The following SCMH1 variants were observed in gnomAD, a reference collection of about 807,000 sequenced individuals.
SCMH1 encodes polycomb protein SCMH1.
SCMH1 carries 37 observed loss-of-function variants against 70.8 expected under a neutral mutation model. The ratio of observed to expected loss-of-function variants is 0.52; its 90% CI spans 0.40 to 0.69. The LOEUF is 0.69. SCMH1 is among the 30% of genes least tolerant of loss of function. The pLI is 0.00. For missense variants in SCMH1, 607 were observed against 827.3 expected, an observed-to-expected ratio of 0.73 and a Z score of 3.27; for synonymous variants, 292 against 307.4, an observed-to-expected ratio of 0.95 and a Z score of 0.52.
At chr1:41,241,552 GACC>G in intron 1 of SCMH1, among the ~76,000 whole-genome samples, 1 of 152,232 alleles carries the variant, frequency 6.6e-6, no homozygotes, top group South Asian at 2.1e-4. Flanking sequence ...CCCGAACCGG[GACC>G]CGGCCAGCCA....
intron 4 of SCMH1, 60 bp downstream of exon 4, chr1:41,160,815 A>C: frequency 6.8e-7 from 1 of 1,474,102 alleles, no homozygotes; most frequent in South Asian, 1.2e-5. Flanking sequence ...ACTGGTTATA[A>C]TCTAATCCCT....
At chr1:41,088,490 T>C (rs1558768250) in intron 8 of SCMH1, among the ~76,000 whole-genome samples, 1 of 152,144 alleles carries the variant, frequency 6.6e-6, no homozygotes, top group Non-Finnish European at 1.5e-5. Context: ...TTTTTAGGGA[T>C]AGGGTCTGAC....
intron 6 of SCMH1, among the ~76,000 whole-genome samples, chr1:41,118,303 A>AT (rs1269541299): frequency 1.3e-5 from 2 of 152,340 alleles, no homozygotes; most frequent in South Asian, 2.1e-4. Flanking sequence ...TACAGAACAC[A>AT]TAACGTAATG....
At chr1:41,237,241 C>T (rs1332120154) in intron 1 of SCMH1, among the ~76,000 whole-genome samples, 2 of 152,168 alleles carry the variant, frequency 1.3e-5, no homozygotes, top group Admixed American at 6.5e-5. Context: ...ATTAGAGCTT[C>T]TTCGGTCACT....
At chr1:41,226,483 TAA>T (rs1408378593) in intron 1 of SCMH1, among the ~76,000 whole-genome samples, 1 of 152,098 alleles carries the variant, frequency 6.6e-6, no homozygotes, top group African/African-American at 2.4e-5. Flanking sequence ...AAACAATGAA[TAA>T]AGACTTTTAA....
At chr1:41,201,568 C>G (rs1302369274) in intron 1 of SCMH1, among the ~76,000 whole-genome samples, 1 of 152,166 alleles carries the variant, frequency 6.6e-6, no homozygotes, top group East Asian at 1.9e-4. Context: ...TAGTTGTCTT[C>G]CAATGAGCAA....
At chr1:41,234,655 T>C (rs1037008284) in intron 1 of SCMH1, among the ~76,000 whole-genome samples, 6 of 151,756 alleles carry the variant, frequency 4.0e-5, no homozygotes, top group South Asian at 4.2e-4. Flanking sequence ...TTTGTATTTT[T>C]AGTAGAGACG....
intron 1 of SCMH1, among the ~76,000 whole-genome samples, chr1:41,206,884 T>C (rs1419840104): frequency 2.0e-5 from 3 of 152,184 alleles, no homozygotes; most frequent in East Asian, 1.9e-4. Context: ...GGGGCCAATA[T>C]TCAACATTCT....
At chr1:41,217,370 G>A (rs1020486953) in intron 1 of SCMH1, among the ~76,000 whole-genome samples, 11 of 152,196 alleles carry the variant, frequency 7.2e-5, no homozygotes, top group South Asian at 6.2e-4. Flanking sequence ...ACAGTAAAAT[G>A]TGAGAGGAAA....
chr1:41,181,587 C>T (rs1260151264), intron 2 of SCMH1, among the ~76,000 whole-genome samples: 2 of 152,164 alleles, frequency 1.3e-5, no homozygotes, highest in African/African-American at 4.8e-5. Context: ...AGCCAACAGA[C>T]ACATGAAGAA....
In SCMH1 at chr1:41,049,310, ATG is replaced by A. The variant is rs3030391; in HGVS notation, c.1106-422_1106-421del. The stretch of plus-strand genomic sequence containing the variant: ...GCAATGGCAATATTAGCAAGGGCAT[ATG>A]TGTGTGTGTGTGTGTGTGTATGTAT... On this transcript the variant is annotated intron_variant, in intron 10 of 14. Coordinates refer to ENST00000337495, the Ensembl canonical transcript of SCMH1. 1.2e-3 allele frequency among the ~76,000 whole-genome samples: 182 copies of A among 149,880 alleles called. 1 individual carries two copies. Among genetic ancestry groups the A allele is most frequent in the African/African-American group, 3.9e-3 (158 of 40,762 alleles).
At chr1:41,196,519 C>A (rs543158826) in intron 1 of SCMH1, among the ~76,000 whole-genome samples, 1 of 152,192 alleles carries the variant, frequency 6.6e-6, no homozygotes, top group East Asian at 1.9e-4. Flanking sequence ...GAATACTTAC[C>A]TTATACCATA....
At chr1:41,104,882 CA>C (rs1667500637) in intron 8 of SCMH1, among the ~76,000 whole-genome samples, 1 of 152,034 alleles carries the variant, frequency 6.6e-6, no homozygotes, top group Non-Finnish European at 1.5e-5. Flanking sequence ...GCTCTGGAAA[CA>C]AATCTTAGTG....
At chr1:41,139,205 A>C (rs535894013) in intron 6 of SCMH1, among the ~76,000 whole-genome samples, 30 of 152,246 alleles carry the variant, frequency 2.0e-4, no homozygotes, top group African/African-American at 7.2e-4. Context: ...TCTAATCCAC[A>C]AGATCTTAGC....
At chr1:41,148,666 T>C (rs1207698765) in intron 5 of SCMH1, among the ~76,000 whole-genome samples, 17 of 152,192 alleles carry the variant, frequency 1.1e-4, no homozygotes, top group Admixed American at 1.1e-3. Flanking sequence ...CTCTGGCTGC[T>C]GTTGAGTTTT....
chr1:41,051,746 C>T (rs2148721813), intron 10 of SCMH1, among the ~76,000 whole-genome samples: 1 of 151,768 alleles, frequency 6.6e-6, no homozygotes, highest in East Asian at 1.9e-4. Context: ...GTATTTTAAG[C>T]CAAGTGTTAT....
At chr1:41,178,062 G>A (rs1254136815) in intron 2 of SCMH1, among the ~76,000 whole-genome samples, 2 of 152,244 alleles carry the variant, frequency 1.3e-5, no homozygotes, top group African/African-American at 4.8e-5. Flanking sequence ...CCACAAGCCA[G>A]AAGAGAGCAG....
chr1:41,034,304 G>C (rs537126169), intron 13 of SCMH1, among the ~76,000 whole-genome samples: 1 of 150,292 alleles, frequency 6.7e-6, no homozygotes, highest in African/African-American at 2.4e-5. Flanking sequence ...AGCTCTCTCC[G>C]CTGAGGTGAC....
chr1:41,207,504 A>G (rs1475749639), intron 1 of SCMH1, among the ~76,000 whole-genome samples: 2 of 152,248 alleles, frequency 1.3e-5, no homozygotes, highest in South Asian at 2.1e-4. Flanking sequence ...TCCTAAATAT[A>G]TATGTATCCA....
Sources: allele counts gnomAD v4.1 joint callset (sites outside exome capture counted in the v4.1 genomes callset), GRCh38; gene constraint gnomAD v4.1.1; transcripts MANE v1.5; gene names NCBI Gene and HGNC (gene_info 2026-07-23, HGNC 2026-07-21).